The following DIAPH2 variants were observed in gnomAD, a reference collection of about 807,000 sequenced individuals.
The protein encoded by DIAPH2 is protein diaphanous homolog 2.
DIAPH2 carries 35 observed loss-of-function variants against 92.7 expected under a neutral mutation model. The observed-to-expected ratio is 0.38, with a 90% CI of 0.29 to 0.50. DIAPH2 has a LOEUF of 0.50. Among genes scored for constraint, DIAPH2 ranks in the 20% least tolerant of loss-of-function variants. The pLI, the probability that DIAPH2 is intolerant of heterozygous loss-of-function variation, is 0.94. For synonymous variants in DIAPH2, 301 were observed against 280.4 expected, an observed-to-expected ratio of 1.07 and a Z score of -0.73; for missense variants, 701 against 819.5, an observed-to-expected ratio of 0.86 and a Z score of 1.77.
At chrX:97,188,675 A>G (rs1453990329) in intron 22 of DIAPH2, among the ~76,000 whole-genome samples, 1 of 112,558 alleles carries the variant, frequency 8.9e-6, no homozygotes, top group African/African-American at 3.2e-5. Context: ...AACTTTAATA[A>G]CAGACAGATG....
intron 26 of DIAPH2, among the ~76,000 whole-genome samples, chrX:97,460,683 C>T (rs1226398921): frequency 9.0e-6 from 1 of 111,424 alleles, no homozygotes; most frequent in Admixed American, 9.6e-5. Flanking sequence ...AACCACAGAG[C>T]ACGCACTAGA....
intron 17 of DIAPH2, among the ~76,000 whole-genome samples, chrX:96,965,526 T>TTCA (rs1456286168): frequency 4.5e-5 from 5 of 111,571 alleles, no homozygotes; most frequent in African/African-American, 9.7e-5. Flanking sequence ...AATCCGTTGA[T>TTCA]TCATCATGTA....
chrX:97,178,443 CTTTTTTTTTTTT>C (rs766983375), intron 22 of DIAPH2, among the ~76,000 whole-genome samples: 116 of 67,261 alleles, frequency 1.7e-3, no homozygotes, highest in African/African-American at 6.9e-3. Flanking sequence ...CTATATTTCT[CTTTTTTTTTTTT>C]TTTTTTTTTT....
At chrX:97,426,046 T>G (rs2070060395) in intron 25 of DIAPH2, among the ~76,000 whole-genome samples, 2 of 110,087 alleles carry the variant, frequency 1.8e-5, no homozygotes, top group Non-Finnish European at 3.8e-5. Context: ...CCAACTTCTT[T>G]TTCATTATTT....
chrX:97,114,673 T>A, intron 20 of DIAPH2, 53 bp from the exon 21 acceptor site: 1 of 1,072,195 alleles, frequency 9.3e-7, no homozygotes, highest in Non-Finnish European at 1.2e-6. Context: ...ACTAAAGAGA[T>A]AAAATAAGAG....
Position 96,684,979 on chromosome X carries a change from G to T in DIAPH2, c.-80G>T. Reference sequence around the variant, plus strand: ...AAGAGGTGCCGCCGAGTCAGCGCGGGGCAGTGTGAGCGCCCCGAGGTGCTT... The same window carrying T: ...AAGAGGTGCCGCCGAGTCAGCGCGGTGCAGTGTGAGCGCCCCGAGGTGCTT... On this transcript the variant is annotated 5_prime_UTR_variant, in exon 1 of 27. Transcript: ENST00000324765. The T allele has an allele frequency of 1.1e-6, 1 of 927,955 alleles. No individual in the cohort carries two copies. Among genetic ancestry groups the T allele is most frequent in the Non-Finnish European group, 1.4e-6 (1 of 736,347 alleles). The allele number at this position is 927,955 out of a possible 1,213,427, so 76.5% of individuals were successfully genotyped here. A position where few individuals can be genotyped will look rare whatever the true frequency, so the allele number is the denominator to read the frequency against.
intron 4 of DIAPH2, among the ~76,000 whole-genome samples, chrX:96,806,027 C>G (rs1296455651): frequency 8.9e-6 from 1 of 112,060 alleles, no homozygotes; most frequent in Non-Finnish European, 1.9e-5. Flanking sequence ...CCCCATTATT[C>G]ACCATCACTA....
chrX:97,198,957 C>T (rs2067725606), intron 22 of DIAPH2, among the ~76,000 whole-genome samples: 1 of 110,143 alleles, frequency 9.1e-6, no homozygotes, highest in African/African-American at 3.3e-5. Flanking sequence ...TGAGCCATGG[C>T]CAAACTTGAT....
intron 1 of DIAPH2, among the ~76,000 whole-genome samples, chrX:96,694,915 C>T (rs1234320107): frequency 9.1e-6 from 1 of 109,792 alleles, no homozygotes; most frequent in Non-Finnish European, 1.9e-5. Context: ...TATCTACCTC[C>T]CCACCCCCAC....
intron 22 of DIAPH2, among the ~76,000 whole-genome samples, chrX:97,230,800 G>A (rs1203720852): frequency 8.9e-6 from 1 of 112,184 alleles, no homozygotes; most frequent in Non-Finnish European, 1.9e-5. Flanking sequence ...ACCCGCCTTG[G>A]CCTCCCAACG....
rs2065814037 is a variant in DIAPH2, at chrX:96,956,884, AGTTGCTTCCACATTTTTGG to A, written c.1615-925_1615-907del. 3.6e-5 allele frequency among the ~76,000 whole-genome samples: 4 copies of A among 112,621 alleles called. 1 individual carries two copies. The highest frequency in any genetic ancestry group is 9.3e-5 in the Admixed American group (1 of 10,698). On this transcript the variant is annotated intron_variant, in intron 15 of 26. Transcript: ENST00000324765. Reference sequence around the variant, plus strand: ...ACCTCTGCCTGTTACCCAGTTCTAAAGTTGCTTCCACATTTTTGGGTTGCTTCCACATTTTTGCATATCT... The same window carrying A: ...ACCTCTGCCTGTTACCCAGTTCTAAAGTTGCTTCCACATTTTTGCATATCT...
intron 17 of DIAPH2, among the ~76,000 whole-genome samples, chrX:97,038,955 G>C (rs1215679582): frequency 9.0e-6 from 1 of 111,156 alleles, no homozygotes; most frequent in Non-Finnish European, 1.9e-5. Context: ...TGAAATTACT[G>C]GTGGAAGGAT....
chrX:96,935,966 TTTTCTAA>T (rs2065654716), intron 10 of DIAPH2, among the ~76,000 whole-genome samples: 1 of 111,791 alleles, frequency 8.9e-6, no homozygotes, highest in Non-Finnish European at 1.9e-5. Flanking sequence ...GCTTATGTAA[TTTTCTAA>T]ATAGAGTTCA....
intron 26 of DIAPH2, among the ~76,000 whole-genome samples, chrX:97,584,219 G>A (rs2071464619): frequency 3.6e-5 from 4 of 112,196 alleles, no homozygotes; most frequent in Non-Finnish European, 7.5e-5. Flanking sequence ...CTGGATTAGA[G>A]ATTGACTAGA....
At chrX:96,716,341 A>G (rs1244814680) in intron 1 of DIAPH2, among the ~76,000 whole-genome samples, 5 of 111,655 alleles carry the variant, frequency 4.5e-5, no homozygotes, top group Non-Finnish European at 9.4e-5. Flanking sequence ...ATTGTTTTTG[A>G]AAAGGAGCAA....
intron 17 of DIAPH2, among the ~76,000 whole-genome samples, chrX:97,003,110 G>A (rs2066155948): frequency 9.1e-6 from 1 of 109,501 alleles, no homozygotes; most frequent in South Asian, 3.9e-4. Context: ...TCATGTTGTT[G>A]CAACTGACAG....
At chrX:96,765,749 CT>C (rs1181336995) in intron 4 of DIAPH2, among the ~76,000 whole-genome samples, 1 of 111,311 alleles carries the variant, frequency 9.0e-6, no homozygotes, top group Non-Finnish European at 1.9e-5. Context: ...CCCTGTTGTC[CT>C]TTGTGATCTC....
intron 23 of DIAPH2, among the ~76,000 whole-genome samples, chrX:97,343,883 A>C (rs2069134662): frequency 9.0e-6 from 1 of 111,209 alleles, no homozygotes; most frequent in African/African-American, 3.3e-5. Flanking sequence ...ATTGTAAACA[A>C]TACACTGCTA....
intron 25 of DIAPH2, among the ~76,000 whole-genome samples, chrX:97,417,399 T>TACAC (rs751129969): frequency 9.9e-6 from 1 of 101,103 alleles, no homozygotes; most frequent in African/African-American, 3.9e-5. Context: ...CACACACACA[T>TACAC]ACACACACAC....
Sources: allele counts gnomAD v4.1 joint callset (sites outside exome capture counted in the v4.1 genomes callset), GRCh38; gene constraint gnomAD v4.1.1; transcripts MANE v1.5; gene names NCBI Gene and HGNC (gene_info 2026-07-23, HGNC 2026-07-21).